FBXO11: variants seen among roughly 807,000 people sequenced by gnomAD.
FBXO11 encodes the protein F-box only protein 11.
In FBXO11, 13 loss-of-function variants were observed where a neutral mutation model predicts 117.0. The observed-to-expected ratio is 0.11, with a 90% CI of 0.07 to 0.18. The LOEUF is 0.18. Ranked by LOEUF, FBXO11 falls within the 10% of genes least tolerant of loss-of-function variation. The pLI is 1.00. For synonymous variants in FBXO11, 490 were observed against 380.5 expected (o/e 1.29, Z -3.35); for missense variants, 767 against 1,164.4 (o/e 0.66, Z 4.97).
At chr2:47,869,657 G>C (rs982580420) in intron 1 of FBXO11, among the ~76,000 whole-genome samples, 1 of 152,234 alleles carries the variant, frequency 6.6e-6, no homozygotes, top group African/African-American at 2.4e-5. Flanking sequence ...AGAATGGGTA[G>C]TGGTAGTTAT....
At chr2:47,905,323 G>C (rs1290458363) in intron 1 of FBXO11, 166 bp downstream of exon 1, 20 of 638,582 alleles carry the variant, frequency 3.1e-5, no homozygotes, top group Non-Finnish European at 4.2e-5. Context: ...GGCCGGGCCC[G>C]GCCCGGGCTG....
intron 13 of FBXO11, among the ~76,000 whole-genome samples, chr2:47,821,487 G>A (rs1434585797): frequency 6.6e-6 from 1 of 152,140 alleles, no homozygotes; most frequent in Non-Finnish European, 1.5e-5. Context: ...GCGGGCGCCT[G>A]TAGTCCCAGC....
intron 1 of FBXO11, among the ~76,000 whole-genome samples, chr2:47,872,370 G>A (rs1299021221): frequency 6.6e-6 from 1 of 152,204 alleles, no homozygotes; most frequent in Non-Finnish European, 1.5e-5. Flanking sequence ...TGTTGCACAG[G>A]CTGCACTGCA....
rs559369405 is a variant in FBXO11 at position 47,847,450 on chromosome 2, T to C, written c.233-7681A>G. 1.9e-3 allele frequency among the ~76,000 whole-genome samples: 288 copies of C among 152,328 alleles called. 1 individual carries two copies. Among genetic ancestry groups the C allele is most frequent in the African/African-American group, 6.5e-3 (272 of 41,586 alleles). On this transcript the variant is annotated intron_variant, in intron 1 of 22. Coordinates refer to ENST00000403359, the MANE Select transcript of FBXO11 (RefSeq NM_001190274.2). The stretch of plus-strand genomic sequence containing the variant: ...ATGGCTGGGTGTGGTGGCTCACGCC[T>C]GTAATCCCAGCACTTTGGGAGGCCA...
intron 1 of FBXO11, among the ~76,000 whole-genome samples, chr2:47,904,606 AC>A (rs1678597496): frequency 2.6e-5 from 4 of 151,454 alleles, no homozygotes; most frequent in African/African-American, 7.3e-5. Flanking sequence ...ACACACACAC[AC>A]ACACACACAC....
chr2:47,819,433 C>G (rs765990797), intron 14 of FBXO11, among the ~76,000 whole-genome samples: 1 of 152,140 alleles, frequency 6.6e-6, no homozygotes, highest in African/African-American at 2.4e-5. Context: ...CCAGGGTGGT[C>G]TTGAACTCCT....
chr2:47,824,709 C>T (rs538890721), intron 11 of FBXO11, among the ~76,000 whole-genome samples: 1 of 151,984 alleles, frequency 6.6e-6, no homozygotes, highest in Admixed American at 6.6e-5. Context: ...GGAACAAAAA[C>T]GTGAGATGAT....
At chr2:47,872,233 G>A (rs991707920) in intron 1 of FBXO11, among the ~76,000 whole-genome samples, 3 of 149,240 alleles carry the variant, frequency 2.0e-5, no homozygotes, top group African/African-American at 7.4e-5. Context: ...TTAGTGTAGA[G>A]CTGCAGTTCT....
intron 16 of FBXO11, 67 bp downstream of exon 16, chr2:47,818,712 T>C (rs1321535366): frequency 9.2e-7 from 1 of 1,089,870 alleles, no homozygotes; most frequent in East Asian, 2.4e-5. Context: ...AATAAGCAAA[T>C]TTCTTTTACA....
At chr2:47,839,586 T>C (rs977735875) in intron 2 of FBXO11, 56 bp downstream of exon 2, 213 of 1,605,842 alleles carry the variant, frequency 1.3e-4, no homozygotes, top group Non-Finnish European at 1.4e-4. Flanking sequence ...ATTCCCTTTT[T>C]TGTTTCTTGA....
Position 47,906,301 on chromosome 2 carries a change from C to T in FBXO11, c.-581G>A. On this transcript the variant is annotated 5_prime_UTR_variant, in exon 1 of 23. Coordinates refer to ENST00000403359, the MANE Select transcript of FBXO11 (RefSeq NM_001190274.2). ...TTTTTCTCTCTTTCTTCGGTCTCTT[C>T]TCTCTCCTCCCCCCCTTCTCTCCTC... 6.4e-6 allele frequency: 1 copy of T among 155,620 alleles called. No individual in the cohort carries two copies. Among genetic ancestry groups the T allele is most frequent in the South Asian group, 1.7e-4 (1 of 5,930 alleles). The allele number at this position is 155,620 out of a possible 1,614,324, so 9.6% of individuals were successfully genotyped here.
intron 1 of FBXO11, among the ~76,000 whole-genome samples, chr2:47,888,043 GATAT>G (rs537692577): frequency 1.3e-3 from 202 of 151,444 alleles, no homozygotes; most frequent in Middle Eastern, 0.01. Context: ...AAAAATGAAA[GATAT>G]ATATATATGT....
intron 1 of FBXO11, among the ~76,000 whole-genome samples, chr2:47,881,311 T>C (rs1676414178): frequency 6.6e-6 from 1 of 152,192 alleles, no homozygotes; most frequent in Admixed American, 6.6e-5. Context: ...GTTATGTATG[T>C]GGTTATATAA....
At chr2:47,823,004 C>G (rs112668701) in intron 12 of FBXO11, 139 bp downstream of exon 12, 3 of 588,960 alleles carry the variant, frequency 5.1e-6, no homozygotes, top group African/African-American at 1.9e-5. Context: ...TTCAGATGCA[C>G]AGACTTTAAC....
Position 47,807,806 on chromosome 2 carries a change from A to G in FBXO11, c.*312T>C, listed in dbSNP as rs1441945896. 1 of 283,282 alleles carries G rather than the reference A, an allele frequency of 3.5e-6. No homozygotes were observed. The highest frequency in any genetic ancestry group is 6.7e-6 in the Non-Finnish European group (1 of 148,886). 17.5% of individuals were successfully genotyped at this position (283,282 alleles called of 1,614,324 possible). A position where few individuals can be genotyped will look rare whatever the true frequency, so the allele number is the denominator to read the frequency against. ...AGATTACTACTGCAAATTGGACTGCATTCAATGCTAGTTGTAAAAACACCA... is the reference window on the plus strand; with the variant it reads ...AGATTACTACTGCAAATTGGACTGCGTTCAATGCTAGTTGTAAAAACACCA... On this transcript the variant is annotated 3_prime_UTR_variant, in exon 23 of 23. Coordinates refer to ENST00000403359, the MANE Select transcript of FBXO11 (RefSeq NM_001190274.2).
chr2:47,847,465 T>C (rs1339996760), intron 1 of FBXO11, among the ~76,000 whole-genome samples: 4 of 152,128 alleles, frequency 2.6e-5, no homozygotes, highest in African/African-American at 9.7e-5. Flanking sequence ...TCCCAGCACT[T>C]TGGGAGGCCA....
chr2:47,876,927 T>C (rs1024386740), intron 1 of FBXO11, among the ~76,000 whole-genome samples: 10 of 151,390 alleles, frequency 6.6e-5, no homozygotes, highest in South Asian at 2.1e-4. Flanking sequence ...TTTTTTTTTT[T>C]CCACTTCTCT....
chr2:47,896,704 C>G (rs766490526), intron 1 of FBXO11, among the ~76,000 whole-genome samples: 1 of 152,134 alleles, frequency 6.6e-6, no homozygotes, highest in Non-Finnish European at 1.5e-5. Context: ...CATAATCAGT[C>G]TCTTAAAAAT....
Position 47,905,743 on chromosome 2 carries a change from T to C in FBXO11, c.-23A>G, listed in dbSNP as rs1237518780. 4 of 1,485,512 alleles carry C rather than the reference T, an allele frequency of 2.7e-6. No individual in the cohort carries two copies. Among genetic ancestry groups the C allele is most frequent in the African/African-American group, 1.5e-5 (1 of 66,958 alleles). The allele number at this position is 1,485,512 out of a possible 1,614,324, so 92.0% of individuals were successfully genotyped here. ...CATTTGCCGGGCTGAGGTGGCGGCG[T>C]TGGCGGAGGGACACACACACGCACA... On this transcript the variant is annotated 5_prime_UTR_variant, in exon 1 of 23. Transcript: ENST00000403359.
Sources: gnomAD v4.1 joint callset for allele counts (sites outside exome capture counted in the v4.1 genomes callset) on GRCh38, gnomAD v4.1.1 for gene constraint, MANE v1.5 for transcripts, NCBI Gene and HGNC (gene_info 2026-07-23, HGNC 2026-07-21) for gene names.